The following FLT1 variants were observed in gnomAD, a reference collection of about 807,000 sequenced individuals.
FLT1 encodes vascular endothelial growth factor receptor 1.
Under a neutral mutation model 156.3 loss-of-function variants are expected in FLT1, and 49 were observed. The ratio of observed to expected loss-of-function variants is 0.31; its 90% confidence interval spans 0.25 to 0.40. FLT1 has a LOEUF of 0.40. Among genes scored for constraint, FLT1 ranks in the 10% least tolerant of loss-of-function variants. The pLI, the probability that FLT1 is intolerant of heterozygous loss-of-function variation, is 1.00. For missense variants in FLT1, 1,322 were observed against 1,637.2 expected, an observed-to-expected ratio of 0.81 and a Z score of 3.32; for synonymous variants, 594 against 583.8, an observed-to-expected ratio of 1.02 and a Z score of -0.25.
rs781658742 is a variant in FLT1, at chr13:28,346,028, A to C, written c.2249-477T>G. 5.7e-4 allele frequency among the ~76,000 whole-genome samples: 86 copies of C among 152,172 alleles called. 1 individual carries two copies. The highest frequency in any genetic ancestry group is 1.1e-3 in the Non-Finnish European group (77 of 68,004). ...ACTTTGGGACTCACAAAATTCTTCA[A>C]AGTAGAATTTAAGAATAAAAATAAA... is the stretch of plus-strand genomic sequence containing the variant. On this transcript the variant is annotated intron_variant, in intron 15 of 29. Coordinates refer to ENST00000282397, the MANE Select transcript of FLT1 (RefSeq NM_002019.4).
intron 3 of FLT1, among the ~76,000 whole-genome samples, chr13:28,461,748 A>G (rs1157833221): frequency 6.6e-6 from 1 of 152,190 alleles, no homozygotes; most frequent in African/African-American, 2.4e-5. Flanking sequence ...TAAAAGCATA[A>G]TTATTATTCT....
chr13:28,472,129 C>G lies in FLT1; in HGVS notation c.65-4512G>C, dbSNP rs148929488. On this transcript the variant is annotated intron_variant, in intron 1 of 29. Transcript: ENST00000282397. ...AACAGAACTTTATGACTCTTTGACA[C>G]AAATCCCTTCTCTCCTTTCGCACAT... Among the ~76,000 whole-genome samples the G allele has an allele frequency of 2.6e-5, 4 of 152,302 alleles. No homozygotes were observed. The East Asian group carries it at 7.7e-4, about 29-fold the overall frequency.
At chr13:28,333,033 T>C (rs1415011225) in intron 18 of FLT1, among the ~76,000 whole-genome samples, 1 of 152,236 alleles carries the variant, frequency 6.6e-6, no homozygotes, top group Non-Finnish European at 1.5e-5. Context: ...GCAGGTTCTT[T>C]GCAGAGTTTT....
intron 13 of FLT1, chr13:28,387,496 A>C: frequency 9.4e-7 from 1 of 1,060,662 alleles, no homozygotes; most frequent in Non-Finnish European, 1.1e-6. Context: ...TGAGAAAATC[A>C]GAATTAACAG....
intron 1 of FLT1, among the ~76,000 whole-genome samples, chr13:28,476,766 A>C (rs903625060): frequency 2.6e-5 from 4 of 152,216 alleles, no homozygotes; most frequent in South Asian, 2.1e-4. Flanking sequence ...AATTACCTAA[A>C]TGTTTAACAC....
At chr13:28,361,704 A>G (rs1873118310) in intron 14 of FLT1, among the ~76,000 whole-genome samples, 1 of 152,186 alleles carries the variant, frequency 6.6e-6, no homozygotes, top group Non-Finnish European at 1.5e-5. Flanking sequence ...AAAAACACAA[A>G]ACTTTGCTGA....
At position 28,427,781 on chromosome 13, in the gene FLT1, T is replaced by G. The variant is rs750469661; in HGVS notation, c.1247A>C (p.Lys416Thr). 3 of 1,614,042 alleles carry G rather than the reference T, an allele frequency of 1.9e-6. No individual in the cohort carries two copies. The highest frequency in any genetic ancestry group is 2.5e-6 in the Non-Finnish European group (3 of 1,179,912). The change falls in exon 9 of 30, where the codon AAA becomes ACA. Residue 416 changes from lysine (K) to threonine (T), a missense_variant. By Grantham distance (78) the Lys-to-Thr change is moderately conservative (BLOSUM62 -1). Around this residue, in one of 3 missense-constraint regions of FLT1, gnomAD observed 991 missense variants for 1,254.8 expected, o/e 0.79. Coordinates refer to ENST00000282397, the MANE Select transcript of FLT1 (RefSeq NM_002019.4). Reference sequence around the variant, plus strand: ...GACAATTAGAGTGGCAGTGAGGTTTTTAAACACATTTGACTGTTTTATGCT... The same window carrying G: ...GACAATTAGAGTGGCAGTGAGGTTTGTAAACACATTTGACTGTTTTATGCT... The part of the protein sequence containing the change: ...LLSIKQSNVF[K>T]NLTATLIVNV...
intron 3 of FLT1, among the ~76,000 whole-genome samples, chr13:28,462,088 C>G (rs1187441941): frequency 1.3e-5 from 2 of 152,166 alleles, no homozygotes; most frequent in Non-Finnish European, 2.9e-5. Flanking sequence ...TAAATAGGCC[C>G]TAGAAGCTTA....
chr13:28,404,514 G>T (rs930788080), intron 11 of FLT1, among the ~76,000 whole-genome samples: 1 of 152,176 alleles, frequency 6.6e-6, no homozygotes, highest in East Asian at 1.9e-4. Flanking sequence ...AATTATAGAT[G>T]TTATTTGTTG....
chr13:28,430,741 T>C (rs1877630341), intron 7 of FLT1, among the ~76,000 whole-genome samples: 1 of 152,210 alleles, frequency 6.6e-6, no homozygotes, highest in Non-Finnish European at 1.5e-5. Flanking sequence ...ATAGCATTAA[T>C]TCTAAATGAT....
At chr13:28,332,049 T>A (rs1326217623) in intron 18 of FLT1, among the ~76,000 whole-genome samples, 2 of 152,152 alleles carry the variant, frequency 1.3e-5, no homozygotes, top group Non-Finnish European at 2.9e-5. Context: ...AAGATGGCGA[T>A]ACTGTCTCTA....
intron 1 of FLT1, 35 bp downstream of exon 1, chr13:28,494,745 C>G (rs763636078): frequency 5.2e-6 from 8 of 1,525,806 alleles, no homozygotes; most frequent in Non-Finnish European, 7.0e-6. Flanking sequence ...CCCATCGCAG[C>G]CCGCCTCAGG....
chr13:28,382,755 AG>A (rs1458551620), intron 14 of FLT1, among the ~76,000 whole-genome samples: 1 of 152,200 alleles, frequency 6.6e-6, no homozygotes, highest in Non-Finnish European at 1.5e-5. Flanking sequence ...GGCAAAGGAG[AG>A]ACCATCACCT....
intron 1 of FLT1, among the ~76,000 whole-genome samples, chr13:28,482,607 G>A (rs1030728478): frequency 6.6e-6 from 1 of 152,086 alleles, no homozygotes; most frequent in African/African-American, 2.4e-5. Flanking sequence ...TCCCAAAATG[G>A]TGAATGAATT....
intron 15 of FLT1, chr13:28,345,833 C>T (rs1027368644): frequency 2.9e-6 from 1 of 340,498 alleles, no homozygotes; most frequent in African/African-American, 2.1e-5. Flanking sequence ...TTTGTAATTC[C>T]AGAAACAGCT....
chr13:28,303,505 C>T (rs1443354181), intron 29 of FLT1, 137 bp from the exon 30 acceptor site: 7 of 709,574 alleles, frequency 9.9e-6, no homozygotes, highest in Middle Eastern at 3.8e-4. Flanking sequence ...CCCCCCCCCT[C>T]AATTGCTGTC....
intron 3 of FLT1, among the ~76,000 whole-genome samples, chr13:28,456,162 T>G (rs1483470691): frequency 6.6e-6 from 1 of 152,218 alleles, no homozygotes; most frequent in African/African-American, 2.4e-5. Context: ...ACCCAAAACC[T>G]GCACATGGAT....
intron 29 of FLT1, 124 bp from the exon 30 acceptor site, chr13:28,303,492 A>AAC: frequency 1.6e-6 from 1 of 644,386 alleles, no homozygotes; most frequent in South Asian, 1.7e-5. Flanking sequence ...TGGTTTTGGA[A>AAC]CCCCCCCCCC....
rs778692239 is a variant in FLT1 at position 28,311,616 on chromosome 13, A to C, written c.3609T>G (p.Phe1203Leu). The stretch of plus-strand genomic sequence containing the variant: ...TGACATCATCAGAGCTTCCTGAATT[A>C]AACTTCGGAGCTGAAATACTTTCCT... The part of the protein sequence containing the change: ...FFKESISAPK[F>L]NSGSSDDVRY... The change falls in exon 27 of 30, where the codon TTT becomes TTG. Residue 1203 changes from phenylalanine (F) to leucine (L), a missense_variant. Around this residue, in one of 3 missense-constraint regions of FLT1, gnomAD observed 329 missense variants for 366.2 expected, o/e 0.90. Transcript: ENST00000282397. 1 of 1,613,856 alleles carries C rather than the reference A, an allele frequency of 6.2e-7. No individual in the cohort carries two copies. The highest frequency in any genetic ancestry group is 1.1e-5 in the South Asian group (1 of 91,076).
Sources: allele counts gnomAD v4.1 joint callset (sites outside exome capture counted in the v4.1 genomes callset), GRCh38; gene constraint gnomAD v4.1.1; regional missense constraint gnomAD v4.1.1; transcripts MANE v1.5; gene names NCBI Gene and HGNC (gene_info 2026-07-23, HGNC 2026-07-21).